The following OLAH variants were observed in gnomAD, a reference collection of about 807,000 sequenced individuals.
OLAH encodes S-acyl fatty acid synthase thioesterase, medium chain.
OLAH carries 33 observed loss-of-function variants against 27.8 expected under a neutral mutation model. The ratio of observed to expected loss-of-function variants is 1.19; its 90% CI spans 0.90 to 1.59. OLAH has a LOEUF of 1.59. OLAH is among the 40% of genes most tolerant of loss of function. The pLI is 0.00. For missense variants in OLAH, 359 were observed against 310.8 expected (o/e 1.16, Z -1.17); for synonymous variants, 120 against 102.9 (o/e 1.17, Z -1.01).
chr10:15,048,686 A>G (rs1844070078), intron 2 of OLAH, among the ~76,000 whole-genome samples: 1 of 152,210 alleles, frequency 6.6e-6, no homozygotes, highest in African/African-American at 2.4e-5. Context: ...CAAATTGTGA[A>G]AAAGGCAATT....
rs1250768925 is a variant in OLAH at position 15,072,024 on chromosome 10, C to T, written c.655+147C>T. The T allele has an allele frequency of 5.2e-6, 3 of 572,868 alleles. No homozygotes were observed. The Admixed American group carries it at 8.9e-5, about 17-fold the overall frequency. 35.5% of individuals were successfully genotyped at this position (572,868 alleles called of 1,614,324 possible). A position where few individuals can be genotyped will look rare whatever the true frequency, so the allele number is the denominator to read the frequency against. ...TCTCAGCTCATTGCAACCTCCGCCTCCCAGGTTCAAACGATTCTCCTGCCT... is the reference window on the plus strand; with the variant it reads ...TCTCAGCTCATTGCAACCTCCGCCTTCCAGGTTCAAACGATTCTCCTGCCT... On this transcript the variant is annotated intron_variant, in intron 7 of 7. Coordinates refer to ENST00000378228, the MANE Select transcript of OLAH (RefSeq NM_001039702.3).
At chr10:15,063,509 C>G (rs960007891) in intron 4 of OLAH, among the ~76,000 whole-genome samples, 7 of 152,210 alleles carry the variant, frequency 4.6e-5, no homozygotes, top group Admixed American at 3.3e-4. Context: ...CTGAGTTTCC[C>G]TTTCTTTCAG....
intron 2 of OLAH, among the ~76,000 whole-genome samples, chr10:15,048,039 A>G (rs1268259117): frequency 6.6e-6 from 1 of 152,174 alleles, no homozygotes; most frequent in East Asian, 1.9e-4. Context: ...ATATTTGGGA[A>G]TATTATATAT....
chr10:15,067,950 C>T (rs1844501047), intron 6 of OLAH: 1 of 152,242 alleles, frequency 6.6e-6, no homozygotes, highest in Non-Finnish European at 1.5e-5. Flanking sequence ...TGTTCCTCCT[C>T]TGGGATCCTG....
At chr10:15,066,986 G>A (rs1286561974) in intron 6 of OLAH, among the ~76,000 whole-genome samples, 2 of 152,164 alleles carry the variant, frequency 1.3e-5, no homozygotes, top group Non-Finnish European at 2.9e-5. Flanking sequence ...GACTACACAT[G>A]TGTATTTCAA....
intron 1 of OLAH, among the ~76,000 whole-genome samples, chr10:15,045,431 T>C (rs1282809749): frequency 6.6e-6 from 1 of 152,226 alleles, no homozygotes; most frequent in Non-Finnish European, 1.5e-5. Context: ...TTTCTGCCTT[T>C]CATATCATTA....
At chr10:15,039,633 C>A (rs1843891793), upstream of OLAH, among the ~76,000 whole-genome samples, 1 of 152,066 alleles carries the variant, frequency 6.6e-6, no homozygotes, top group Non-Finnish European at 1.5e-5. Flanking sequence ...GAACTAGCAC[C>A]CTTTCTCCAT....
chr10:15,053,429 C>A (rs1286191766), intron 3 of OLAH, among the ~76,000 whole-genome samples: 6 of 152,192 alleles, frequency 3.9e-5, no homozygotes, highest in East Asian at 1.9e-4. Flanking sequence ...ACTGGTCCTT[C>A]TTCCAGAAAA....
At chr10:15,069,149 G>A (rs539710412) in intron 6 of OLAH, among the ~76,000 whole-genome samples, 34 of 152,220 alleles carry the variant, frequency 2.2e-4, no homozygotes, top group African/African-American at 6.5e-4. Context: ...TAGCGTCCCC[G>A]TGCCTGGGTT....
chr10:15,065,558 G>C, intron 5 of OLAH, 26 bp from the exon 6 acceptor site: 1 of 1,592,166 alleles, frequency 6.3e-7, no homozygotes, highest in Non-Finnish European at 8.5e-7. Context: ...GAAATATCAG[G>C]CCTGTGTTGT....
chr10:15,050,641 C>T (rs781291236), intron 3 of OLAH, among the ~76,000 whole-genome samples: 1 of 149,218 alleles, frequency 6.7e-6, no homozygotes, highest in African/African-American at 2.5e-5. Flanking sequence ...TCCGGGTTCA[C>T]ACCATTCTCC....
At chr10:15,057,802 C>T (rs1277587650) in intron 3 of OLAH, among the ~76,000 whole-genome samples, 2 of 152,090 alleles carry the variant, frequency 1.3e-5, no homozygotes, top group African/African-American at 4.8e-5. Flanking sequence ...TTGATGCCTT[C>T]ATGGAAAAAA....
At chr10:15,041,048 G>A (rs1843911116), upstream of OLAH, among the ~76,000 whole-genome samples, 1 of 152,104 alleles carries the variant, frequency 6.6e-6, no homozygotes, top group Admixed American at 6.6e-5. Context: ...AACAATGTTG[G>A]TGCTCAGTCC....
intron 3 of OLAH, among the ~76,000 whole-genome samples, chr10:15,058,830 A>C (rs1844296482): frequency 6.6e-6 from 1 of 152,030 alleles, no homozygotes; most frequent in Non-Finnish European, 1.5e-5. Context: ...TTTGAAAGAT[A>C]TTGTCACAGG....
chr10:15,061,668 A>T, intron 3 of OLAH, 56 bp from the exon 4 acceptor site: 1 of 1,442,040 alleles, frequency 6.9e-7, no homozygotes, highest in Admixed American at 2.6e-5. Context: ...CTTTTATAAC[A>T]TCACAATATC....
intron 3 of OLAH, among the ~76,000 whole-genome samples, chr10:15,059,255 C>T (rs1174579820): frequency 8.2e-5 from 12 of 146,000 alleles, no homozygotes; most frequent in East Asian, 2.0e-4. Flanking sequence ...GGCACAATCA[C>T]GGCTCACTGT....
At chr10:15,053,826 C>T (rs1844192706) in intron 3 of OLAH, among the ~76,000 whole-genome samples, 1 of 151,690 alleles carries the variant, frequency 6.6e-6, no homozygotes, top group African/African-American at 2.4e-5. Context: ...GCGATCCTCC[C>T]ACCCCAGCCT....
intron 4 of OLAH, among the ~76,000 whole-genome samples, chr10:15,063,642 G>A (rs1462680305): frequency 6.6e-6 from 1 of 152,078 alleles, no homozygotes; most frequent in Non-Finnish European, 1.5e-5. Flanking sequence ...ATGCATTGAG[G>A]AACTCAAAGA....
intron 3 of OLAH, among the ~76,000 whole-genome samples, chr10:15,056,597 CT>C (rs1248603439): frequency 3.3e-5 from 5 of 150,930 alleles, no homozygotes; most frequent in Non-Finnish European, 3.0e-5. Flanking sequence ...AAATTCTTTC[CT>C]TTCTTTCTTT....
Sources: gnomAD v4.1 joint callset for allele counts (sites outside exome capture counted in the v4.1 genomes callset) on GRCh38, gnomAD v4.1.1 for gene constraint, MANE v1.5 for transcripts, NCBI Gene and HGNC (gene_info 2026-07-23, HGNC 2026-07-21) for gene names.